The following FYCO1 variants were observed in gnomAD, a reference collection of about 807,000 sequenced individuals.
FYCO1 encodes FYVE and coiled-coil domain autophagy adaptor 1.
FYCO1 carries 122 observed loss-of-function variants against 165.1 expected under a neutral mutation model. The ratio of observed to expected loss-of-function variants is 0.74; its 90% CI spans 0.64 to 0.86. The LOEUF (loss-of-function observed/expected upper bound fraction) is 0.86. Ranked by LOEUF, FYCO1 falls within the 40% of genes least tolerant of loss-of-function variation. The probability of loss-of-function intolerance (pLI) is 0.00; values close to 1 mark genes in which losing one functional copy is unlikely to be tolerated. For missense variants in FYCO1, 1,702 were observed against 1,810.3 expected, an observed-to-expected ratio of 0.94 and a Z score of 1.09; for synonymous variants, 648 against 742.5, an observed-to-expected ratio of 0.87 and a Z score of 2.07.
intron 14 of FYCO1, chr3:45,947,178 A>T: frequency 6.2e-7 from 1 of 1,614,230 alleles, no homozygotes; most frequent in South Asian, 1.1e-5. Flanking sequence ...TCTAAAGATC[A>T]TCTTCCTGGT....
chr3:45,952,673 C>T (rs1057298079), intron 14 of FYCO1, among the ~76,000 whole-genome samples: 25 of 152,174 alleles, frequency 1.6e-4, no homozygotes, highest in African/African-American at 5.8e-4. Context: ...AGAATGCCTT[C>T]TGTTTTTGTT....
At position 45,968,573 on chromosome 3, in the gene FYCO1, T is replaced by C. The variant is rs1706243376; in HGVS notation, c.761A>G (p.Gln254Arg). The change falls in exon 8 of 18, where the codon CAG becomes CGG. Residue 254 changes from glutamine to arginine, a missense_variant. By Grantham distance (43) the Gln-to-Arg change is conservative. Transcript: ENST00000296137. ...VREKQLRERM[Q>R]QLDRENQELR... Reference sequence around the variant, plus strand: ...CTCCTGGTTCTCTCTGTCCAGCTGCTGCATGCGCTCCCGTAGCTGCTTCTC... The same window carrying C: ...CTCCTGGTTCTCTCTGTCCAGCTGCCGCATGCGCTCCCGTAGCTGCTTCTC... 1.9e-6 allele frequency: 3 copies of C among 1,614,026 alleles called. No individual in the cohort carries two copies. Among genetic ancestry groups the C allele is most frequent in the Non-Finnish European group, 1.7e-6 (2 of 1,179,990 alleles).
At chr3:45,927,991 A>G (rs1703402648) in intron 16 of FYCO1, among the ~76,000 whole-genome samples, 2 of 152,250 alleles carry the variant, frequency 1.3e-5, no homozygotes, top group South Asian at 2.1e-4. Flanking sequence ...CTTACTCTGT[A>G]GCCTTTTCAT....
intron 1 of FYCO1, among the ~76,000 whole-genome samples, chr3:45,994,984 G>A (rs1426826602): frequency 6.6e-6 from 1 of 152,072 alleles, no homozygotes; most frequent in Non-Finnish European, 1.5e-5. Context: ...GGGGCCACGC[G>A]GTTAACGTGT....
chr3:45,969,721 G>A lies in FYCO1; in HGVS notation c.584C>T (p.Pro195Leu), dbSNP rs754489629. The A allele has an allele frequency of 3.1e-6, 5 of 1,614,012 alleles. No homozygotes were observed. Among genetic ancestry groups the A allele is most frequent in the East Asian group, 4.5e-5 (2 of 44,886 alleles). Residue 195 changes from proline to leucine, a missense_variant, in exon 7 of 18, where the codon CCT becomes CTT. Physicochemically the swap from Pro to Leu is moderately conservative, Grantham distance 98 (BLOSUM62 -3). Coordinates refer to ENST00000296137, the MANE Select transcript of FYCO1 (RefSeq NM_024513.4). ...GCTGCTCATGCTGGAGCTGCGGCTA[G>A]GGGGTTTCCACAGGTAAGCAGAAGA... is the stretch of plus-strand genomic sequence containing the variant. ...TGSSAYLWKP[P>L]SRSSSMSSLV...
intron 14 of FYCO1, among the ~76,000 whole-genome samples, chr3:45,942,829 C>T (rs1704313899): frequency 6.6e-6 from 1 of 152,198 alleles, no homozygotes; most frequent in African/African-American, 2.4e-5. Flanking sequence ...TGGGCACTGC[C>T]TGCTGAGTGC....
Position 45,962,460 on chromosome 3 carries a change from C to A in FYCO1, c.3270-68G>T. On this transcript the variant is annotated intron_variant, in intron 10 of 17. Coordinates refer to ENST00000296137, the MANE Select transcript of FYCO1 (RefSeq NM_024513.4). This position sits in a 1 kb window ranked among gnomAD's most constrained non-coding sequence, Gnocchi z 4.4. ...CAGCTTTCCCAGGGCTCTAAGCTCA[C>A]CCAGGACTCTAATGAGGGGTGCTAC... The A allele has an allele frequency of 6.9e-7, 1 of 1,447,314 alleles. No individual in the cohort carries two copies. Among genetic ancestry groups the A allele is most frequent in the South Asian group, 1.1e-5 (1 of 87,474 alleles). The allele number at this position is 1,447,314 out of a possible 1,614,324, so 89.7% of individuals were successfully genotyped here.
Position 45,964,763 on chromosome 3 carries a change from G to A in FYCO1, c.3150+270C>T, listed in dbSNP as rs970987607. On this transcript the variant is annotated intron_variant, in intron 9 of 17. Coordinates refer to ENST00000296137, the MANE Select transcript of FYCO1 (RefSeq NM_024513.4). This position sits in a 1 kb window ranked among gnomAD's most constrained non-coding sequence, Gnocchi z 4.1. ...AGACTGTGGATCCAGTGCCACCCCT[G>A]CTCCCACCCATTTCAGAATCACTGG... 2.0e-5 allele frequency among the ~76,000 whole-genome samples: 3 copies of A among 152,182 alleles called. No homozygotes were observed. Among genetic ancestry groups the A allele is most frequent in the African/African-American group, 7.2e-5 (3 of 41,456 alleles).
At chr3:45,991,361 T>C (rs1707553013) in intron 1 of FYCO1, among the ~76,000 whole-genome samples, 1 of 152,206 alleles carries the variant, frequency 6.6e-6, no homozygotes, top group Non-Finnish European at 1.5e-5. Context: ...GTGACTGCTG[T>C]CAGACATGGG....
At position 45,964,661 on chromosome 3, in the gene FYCO1, G is replaced by A; in HGVS notation, c.3151-207C>T. ...AGTTGTGGTGGTTGGCAAGTGGCAGGTACCAGAATTCCCAGGGTAACACTG... is the reference window on the plus strand; with the variant it reads ...AGTTGTGGTGGTTGGCAAGTGGCAGATACCAGAATTCCCAGGGTAACACTG... On this transcript the variant is annotated intron_variant, in intron 9 of 17. Coordinates refer to ENST00000296137, the MANE Select transcript of FYCO1 (RefSeq NM_024513.4). This position sits in a 1 kb window ranked among gnomAD's most constrained non-coding sequence, Gnocchi z 4.1. 1 of 565,138 alleles carries A rather than the reference G, an allele frequency of 1.8e-6. No homozygotes were observed. Among genetic ancestry groups the A allele is most frequent in the Non-Finnish European group, 2.2e-6 (1 of 446,200 alleles). 35.0% of individuals were successfully genotyped at this position (565,138 alleles called of 1,614,324 possible).
intron 15 of FYCO1, among the ~76,000 whole-genome samples, chr3:45,935,413 A>G (rs1455773869): frequency 1.3e-5 from 2 of 152,208 alleles, no homozygotes; most frequent in Non-Finnish European, 2.9e-5. Flanking sequence ...ACAAGGCCCT[A>G]TGTGCTGGGA....
rs1357161419 is a variant in FYCO1 at position 45,967,852 on chromosome 3, T to A, written c.1482A>T (p.Lys494Asn). 2 of 1,613,892 alleles carry A rather than the reference T, an allele frequency of 1.2e-6. No homozygotes were observed. The highest frequency in any genetic ancestry group is 1.7e-6 in the Non-Finnish European group (2 of 1,180,000). ...EEELAELRRE[K>N]KQQQEEKELL... The stretch of plus-strand genomic sequence containing the variant: ...GCTCCTTCTCCTCCTGTTGCTGTTT[T>A]TTCTCCCGCCTCAACTCTGCTAGCT... The change falls in exon 8 of 18, where the codon AAA (lysine) becomes AAT (asparagine). Residue 494 changes from lysine (K) to asparagine (N), a missense_variant. Physicochemically the swap from Lys to Asn is moderately conservative, Grantham distance 94 (BLOSUM62 0). Transcript: ENST00000296137.
chr3:45,924,972 C>T (rs55895509), intron 16 of FYCO1, among the ~76,000 whole-genome samples: 96 of 151,202 alleles, frequency 6.3e-4, no homozygotes, highest in Middle Eastern at 3.4e-3. Context: ...CTCTGTTGCC[C>T]AGGCTAGAGT....
intron 4 of FYCO1, among the ~76,000 whole-genome samples, chr3:45,977,276 C>G (rs1038508201): frequency 6.7e-6 from 1 of 149,504 alleles, no homozygotes; most frequent in African/African-American, 2.5e-5. Context: ...TTATACCAGC[C>G]TTTAGAACAT....
intron 11 of FYCO1, among the ~76,000 whole-genome samples, chr3:45,961,864 T>C (rs1380516712): frequency 1.3e-5 from 2 of 152,210 alleles, no homozygotes; most frequent in African/African-American, 2.4e-5. Flanking sequence ...TTGTCAGCAT[T>C]AAAAAATCAG....
intron 14 of FYCO1, chr3:45,944,909 C>G (rs1334494110): frequency 1.3e-5 from 2 of 152,182 alleles, no homozygotes; most frequent in African/African-American, 2.4e-5. Context: ...AACACATACA[C>G]ATCATCTGAC....
At chr3:45,979,979 G>T in intron 3 of FYCO1, 149 bp from the exon 4 acceptor site, 1 of 998,634 alleles carries the variant, frequency 1.0e-6, no homozygotes, top group African/African-American at 1.6e-5. Context: ...GGCAAATCAA[G>T]GTGTGTTAAT....
rs1703024898 is a variant in FYCO1 at position 45,919,582 on chromosome 3, T to G, written c.*2183A>C. The G allele has an allele frequency of 6.6e-6, 1 of 152,140 alleles. No homozygotes were observed. The highest frequency in any genetic ancestry group is 1.5e-5 in the Non-Finnish European group (1 of 68,048). 9.4% of individuals were successfully genotyped at this position (152,140 alleles called of 1,614,324 possible). ...TGACATGTTCAGGAAGGACCTCAGA[T>G]GGAATGTCCCAGGCCCCAAACCCAT... On this transcript the variant is annotated 3_prime_UTR_variant, in exon 18 of 18. Transcript: ENST00000296137.
intron 16 of FYCO1, among the ~76,000 whole-genome samples, chr3:45,930,748 A>T (rs1703557082): frequency 6.6e-6 from 1 of 152,234 alleles, no homozygotes; most frequent in Non-Finnish European, 1.5e-5. Context: ...GCACAGCTCT[A>T]TTAGAAAATG....
Sources: allele counts gnomAD v4.1 joint callset (sites outside exome capture counted in the v4.1 genomes callset), GRCh38; gene constraint gnomAD v4.1.1; non-coding constraint Gnocchi (gnomAD v3.1); transcripts MANE v1.5; gene names NCBI Gene and HGNC (gene_info 2026-07-23, HGNC 2026-07-21).